Variants in CTNNA2 observed in about 807,000 individuals in gnomAD.
CTNNA2 encodes the protein catenin alpha-2.
In CTNNA2, 42 loss-of-function variants were observed where a neutral mutation model predicts 101.0. The ratio of observed to expected loss-of-function variants is 0.42; its 90% confidence interval spans 0.32 to 0.54. The LOEUF (loss-of-function observed/expected upper bound fraction) is 0.54, where lower values mean the gene tolerates loss of function less well. Ranked by LOEUF, CTNNA2 falls within the 20% of genes least tolerant of loss-of-function variation. The pLI, the probability that CTNNA2 is intolerant of heterozygous loss-of-function variation, is 0.14. For missense variants in CTNNA2, 871 were observed against 1,223.1 expected, an observed-to-expected ratio of 0.71 and a Z score of 4.29; for synonymous variants, 450 against 456.4, an observed-to-expected ratio of 0.99 and a Z score of 0.18.
chr2:79,377,072 C>T (rs1034982334), intron 4 of CTNNA2, among the ~76,000 whole-genome samples: 2 of 151,300 alleles, frequency 1.3e-5, no homozygotes, highest in Admixed American at 6.6e-5. Context: ...CTGACTTCCA[C>T]AATGGTTGAA....
intron 1 of CTNNA2, among the ~76,000 whole-genome samples, chr2:79,554,568 A>G (rs1208888549): frequency 3.3e-5 from 5 of 152,156 alleles, no homozygotes; most frequent in East Asian, 3.9e-4. Flanking sequence ...TTGCCAGGCC[A>G]TAGGATGTTT....
intron 1 of CTNNA2, among the ~76,000 whole-genome samples, chr2:79,576,657 C>G (rs918079027): frequency 1.3e-5 from 2 of 152,118 alleles, no homozygotes; most frequent in Non-Finnish European, 2.9e-5. Context: ...CGATATCACT[C>G]ATTTTTAGTG....
At chr2:80,065,348 G>A (rs1392053669) in intron 7 of CTNNA2, among the ~76,000 whole-genome samples, 1 of 145,714 alleles carries the variant, frequency 6.9e-6, no homozygotes, top group Non-Finnish European at 1.5e-5. Context: ...TTCCATTCTT[G>A]GACTTCTCCA....
rs188115271 is a variant in CTNNA2, at chr2:79,712,379, G to A, written c.103-32008G>A. On this transcript the variant is annotated intron_variant, in intron 2 of 18. Coordinates refer to ENST00000402739, the MANE Select transcript of CTNNA2 (RefSeq NM_001282597.3). ...TTCATTGCCATGCAGTTGGGCTGAG[G>A]CTTATGTAATTCTCAAAGCTCTAAA... 2.6e-5 allele frequency among the ~76,000 whole-genome samples: 4 copies of A among 152,280 alleles called. No homozygotes were observed. In the East Asian group the frequency reaches 5.8e-4, roughly 22 times the overall value.
At position 80,488,176 on chromosome 2, in the gene CTNNA2, G is replaced by C. The variant is rs1296670333; in HGVS notation, c.1291-56806G>C. ...TTTTGGATAATGGTTAAAAAAATGA[G>C]CCAACAGAAGATGGTTTTACCTCCT... On this transcript the variant is annotated intron_variant, in intron 9 of 18. Coordinates refer to ENST00000402739, the MANE Select transcript of CTNNA2 (RefSeq NM_001282597.3). 2.6e-5 allele frequency among the ~76,000 whole-genome samples: 4 copies of C among 152,162 alleles called. No individual in the cohort carries two copies. In the East Asian group the frequency reaches 7.7e-4, roughly 29 times the overall value.
At chr2:79,696,447 G>T (rs796777361) in intron 2 of CTNNA2, among the ~76,000 whole-genome samples, 16 of 152,110 alleles carry the variant, frequency 1.1e-4, no homozygotes, top group African/African-American at 3.9e-4. Context: ...CTTGGTAATT[G>T]TCTTTTAAGT....
chr2:79,320,952 T>C (rs528876281), intron 3 of CTNNA2, among the ~76,000 whole-genome samples: 2 of 152,302 alleles, frequency 1.3e-5, no homozygotes, highest in African/African-American at 2.4e-5. Flanking sequence ...ACTGTGTGTT[T>C]AACTTGAATG....
chr2:79,322,286 G>A (rs1323888524), intron 3 of CTNNA2, among the ~76,000 whole-genome samples: 1 of 152,138 alleles, frequency 6.6e-6, no homozygotes, highest in Non-Finnish European at 1.5e-5. Context: ...GACTGCGGGG[G>A]GCTGCCACAT....
chr2:79,671,729 G>A (rs1682853315), intron 2 of CTNNA2, among the ~76,000 whole-genome samples: 1 of 152,296 alleles, frequency 6.6e-6, no homozygotes, highest in South Asian at 2.1e-4. Context: ...ATGATTTGTA[G>A]TATAAATTTA....
intron 8 of CTNNA2, among the ~76,000 whole-genome samples, chr2:80,410,015 T>C (rs1436286870): frequency 6.6e-6 from 1 of 152,238 alleles, no homozygotes; most frequent in African/African-American, 2.4e-5. Context: ...CTTCAAAGTC[T>C]TATGCAAGTG....
At position 80,583,721 on chromosome 2, in the gene CTNNA2, G is replaced by T. The variant is rs546482833; in HGVS notation, c.2007+1902G>T. 3.1e-4 allele frequency among the ~76,000 whole-genome samples: 47 copies of T among 152,188 alleles called. No homozygotes were observed. The Middle Eastern group carries it at 0.014, about 44-fold the overall frequency. On this transcript the variant is annotated intron_variant, in intron 14 of 18. Coordinates refer to ENST00000402739, the MANE Select transcript of CTNNA2 (RefSeq NM_001282597.3). ...CACTTTTACAAGGAAGAATAGAGTC[G>T]CAATATACTTCTGTTTCATTGGGAA... is the stretch of plus-strand genomic sequence containing the variant.
At chr2:79,367,296 G>A (rs984001395) in intron 3 of CTNNA2, among the ~76,000 whole-genome samples, 2 of 152,116 alleles carry the variant, frequency 1.3e-5, no homozygotes, top group South Asian at 2.1e-4. Context: ...AATACATTTC[G>A]GTTAAGCCAG....
At chr2:80,144,498 C>T (rs979153670) in intron 7 of CTNNA2, among the ~76,000 whole-genome samples, 1 of 152,172 alleles carries the variant, frequency 6.6e-6, no homozygotes, top group Non-Finnish European at 1.5e-5. Context: ...CAGTATATTT[C>T]TGAAGCTGCT....
At chr2:79,411,549 A>G (rs1678411100) in intron 4 of CTNNA2, among the ~76,000 whole-genome samples, 1 of 152,110 alleles carries the variant, frequency 6.6e-6, no homozygotes, top group Non-Finnish European at 1.5e-5. Context: ...CAGATCTCTC[A>G]GCAGAATCTC....
intron 7 of CTNNA2, among the ~76,000 whole-genome samples, chr2:79,934,776 A>G (rs1265058817): frequency 6.6e-6 from 1 of 152,228 alleles, no homozygotes; most frequent in African/African-American, 2.4e-5. Context: ...CTTTGGTGTA[A>G]TGAAAGAACC....
chr2:80,228,532 T>C (rs1470276840), intron 7 of CTNNA2, among the ~76,000 whole-genome samples: 1 of 152,188 alleles, frequency 6.6e-6, no homozygotes, highest in Non-Finnish European at 1.5e-5. Context: ...ATTCAGGCCA[T>C]AGCAGCTATC....
At chr2:80,092,110 C>A (rs2148821940) in intron 7 of CTNNA2, among the ~76,000 whole-genome samples, 1 of 152,208 alleles carries the variant, frequency 6.6e-6, no homozygotes, top group Admixed American at 6.5e-5. Flanking sequence ...TGCATTTGAA[C>A]TGCCTCCACG....
At chr2:79,302,076 G>A (rs1488981588) in intron 2 of CTNNA2, among the ~76,000 whole-genome samples, 2 of 152,056 alleles carry the variant, frequency 1.3e-5, no homozygotes, top group Admixed American at 1.3e-4. Flanking sequence ...CTGGGTGACA[G>A]AGAGAGACTC....
At chr2:79,562,716 T>C (rs1294432250) in intron 1 of CTNNA2, among the ~76,000 whole-genome samples, 1 of 152,118 alleles carries the variant, frequency 6.6e-6, no homozygotes, top group African/African-American at 2.4e-5. Flanking sequence ...TTTGGGTATA[T>C]ATTGTATTTC....
Sources: gnomAD v4.1 joint callset for allele counts (sites outside exome capture counted in the v4.1 genomes callset) on GRCh38, gnomAD v4.1.1 for gene constraint, MANE v1.5 for transcripts, NCBI Gene and HGNC (gene_info 2026-07-23, HGNC 2026-07-21) for gene names.